The following ZFHX3 variants were observed in gnomAD, a reference collection of about 807,000 sequenced individuals.
The protein encoded by ZFHX3 is zinc finger homeobox protein 3.
Under a neutral mutation model 279.1 loss-of-function variants are expected in ZFHX3, and 42 were observed. The observed-to-expected ratio is 0.15, with a 90% confidence interval of 0.12 to 0.19. The LOEUF is 0.19. ZFHX3 is among the 10% of genes least tolerant of loss of function. The pLI is 1.00. For missense variants in ZFHX3, 4,981 were observed against 4,754.0 expected (o/e 1.05, Z -1.40); for synonymous variants, 2,293 against 1,957.8 (o/e 1.17, Z -4.52).
intron 5 of ZFHX3, among the ~76,000 whole-genome samples, chr16:72,814,417 G>A (rs745340987): frequency 1.2e-4 from 19 of 152,058 alleles, no homozygotes; most frequent in Non-Finnish European, 2.2e-4. Flanking sequence ...GAGACCACCC[G>A]ACTCATCTCA....
chr16:73,451,411 C>T (rs968687286), intron 3 of ZFHX3, among the ~76,000 whole-genome samples: 4 of 152,188 alleles, frequency 2.6e-5, no homozygotes, highest in Non-Finnish European at 5.9e-5. Flanking sequence ...AATTTTTTCT[C>T]CCTAATATTT....
At chr16:73,252,297 T>C (rs1016252606) in intron 5 of ZFHX3, among the ~76,000 whole-genome samples, 3 of 152,070 alleles carry the variant, frequency 2.0e-5, no homozygotes, top group African/African-American at 7.2e-5. Flanking sequence ...AAGGCCAATG[T>C]AGAGGGGCCT....
At position 73,792,538 on chromosome 16, in the gene ZFHX3, G is replaced by A. The variant is rs117817323; in HGVS notation, c.-1608+99113C>T. Among the ~76,000 whole-genome samples, 1,505 of 152,316 alleles carry A rather than the reference G, an allele frequency of 9.9e-3. 6 individuals are homozygous for A. Among genetic ancestry groups the A allele is most frequent in the Middle Eastern group, 0.027 (8 of 294 alleles). ...AATACACTTTCCCCATTGGGTTTAC[G>A]CTCGCATTTGTCCTAATAGGTTCCA... On this transcript the variant is annotated intron_variant, in intron 1 of 17. Coordinates refer to the ZFHX3 transcript ENST00000641206.
At chr16:73,682,992 AAAGAAAG>A (rs2053040950) in intron 1 of ZFHX3, among the ~76,000 whole-genome samples, 1 of 19,248 alleles carries the variant, frequency 5.2e-5, no homozygotes, top group Non-Finnish European at 8.6e-5. Flanking sequence ...GAAAGAAAGA[AAAGAAAG>A]AAAGAAAGAA....
At chr16:73,705,370 G>A (rs1255944188) in intron 1 of ZFHX3, among the ~76,000 whole-genome samples, 1 of 152,082 alleles carries the variant, frequency 6.6e-6, no homozygotes, top group Non-Finnish European at 1.5e-5. Context: ...TCTGGTCCAG[G>A]GTGAGAGGGT....
chr16:73,213,105 G>T (rs78888281), intron 5 of ZFHX3, among the ~76,000 whole-genome samples: 1 of 152,126 alleles, frequency 6.6e-6, no homozygotes, highest in Non-Finnish European at 1.5e-5. Flanking sequence ...TCCATATGGC[G>T]TAGGACATAG....
Position 72,811,701 on chromosome 16 carries a change from G to A in ZFHX3, c.3740C>T (p.Ser1247Leu), listed in dbSNP as rs772299356. The change falls in exon 7 of 10, where the codon TCG becomes TTG. Residue 1247 changes from serine to leucine, a missense_variant. By Grantham distance (145) the Ser-to-Leu change is moderately radical. Around this residue, in one of 7 missense-constraint regions of ZFHX3, gnomAD observed 1,751 missense variants for 1,770.0 expected, o/e 0.99. Coordinates refer to ENST00000268489, the MANE Select transcript of ZFHX3 (RefSeq NM_006885.4). ...RLRVHAMTQH[S>L]VQPMLRCPLC... ...GGGGCAGCGAAGCATGGGTTGCACC[G>A]AGTGCTGCGTCATGGCATGCACCCG... 8.7e-6 allele frequency: 14 copies of A among 1,613,944 alleles called. No individual in the cohort carries two copies. The highest frequency in any genetic ancestry group is 2.2e-5 in the South Asian group (2 of 91,074).
chr16:73,055,872 A>ACACACG (rs1320637770), intron 1 of ZFHX3, among the ~76,000 whole-genome samples: 2 of 151,558 alleles, frequency 1.3e-5, no homozygotes, highest in Admixed American at 1.3e-4. Context: ...ACACACACAC[A>ACACACG]CGCAGAGAAC....
At chr16:73,590,347 T>C (rs1050021573) in intron 2 of ZFHX3, among the ~76,000 whole-genome samples, 2 of 152,168 alleles carry the variant, frequency 1.3e-5, no homozygotes, top group Non-Finnish European at 2.9e-5. Flanking sequence ...GGAAAAATAA[T>C]TGATTCCCCA....
At chr16:73,632,643 G>T (rs1199340331) in intron 2 of ZFHX3, among the ~76,000 whole-genome samples, 1 of 146,654 alleles carries the variant, frequency 6.8e-6, no homozygotes, top group Non-Finnish European at 1.5e-5. Context: ...CTGAGATCGC[G>T]CCACTGCACT....
chr16:72,915,689 A>G lies in ZFHX3; in HGVS notation c.3217-25727T>C, dbSNP rs575846105. Among the ~76,000 whole-genome samples, 24 of 152,192 alleles carry G rather than the reference A, an allele frequency of 1.6e-4. No homozygotes were observed. In the South Asian group the frequency reaches 4.6e-3, roughly 29 times the overall value. On this transcript the variant is annotated intron_variant, in intron 3 of 9. Coordinates refer to ENST00000268489, the MANE Select transcript of ZFHX3 (RefSeq NM_006885.4). ...GAGGGAGGAGGATCACTTGAGCCCA[A>G]GAGGTCAAGGCTCCAGTGAGCCGTG... is the stretch of plus-strand genomic sequence containing the variant.
chr16:72,876,437 C>G (rs1042719474), intron 4 of ZFHX3, among the ~76,000 whole-genome samples: 1 of 152,140 alleles, frequency 6.6e-6, no homozygotes, highest in African/African-American at 2.4e-5. Context: ...TCAGCGCAGT[C>G]ACCGCCTTCC....
chr16:72,869,517 C>A (rs910670510), intron 4 of ZFHX3, among the ~76,000 whole-genome samples: 4 of 152,152 alleles, frequency 2.6e-5, no homozygotes, highest in African/African-American at 9.7e-5. Context: ...GTAATAGTTT[C>A]TTTGTCCACT....
chr16:72,864,964 C>G (rs1360874676), intron 4 of ZFHX3, among the ~76,000 whole-genome samples: 1 of 152,172 alleles, frequency 6.6e-6, no homozygotes, highest in Non-Finnish European at 1.5e-5. Context: ...CAGTGCATTT[C>G]CAGCCAGGAT....
rs752977805 is a variant in ZFHX3 at position 73,628,245 on chromosome 16, G to C, written c.-1547+51935C>G. ...ACTGTAATCTTTTAAAAATTACTAG[G>C]TGACCCTAATTTTCCCCTCAAATGT... On this transcript the variant is annotated intron_variant, in intron 2 of 17. Transcript: ENST00000641206. 2.0e-5 allele frequency among the ~76,000 whole-genome samples: 3 copies of C among 152,100 alleles called. No homozygotes were observed. In the East Asian group the frequency reaches 5.8e-4, roughly 29 times the overall value.
chr16:73,163,118 T>C (rs779896627), intron 5 of ZFHX3, among the ~76,000 whole-genome samples: 6 of 152,168 alleles, frequency 3.9e-5, no homozygotes, highest in South Asian at 2.1e-4. Flanking sequence ...GGACAACACA[T>C]GTATTTTTTC....
At chr16:72,933,473 T>G (rs1220119443) in intron 3 of ZFHX3, among the ~76,000 whole-genome samples, 1 of 151,140 alleles carries the variant, frequency 6.6e-6, no homozygotes, top group Non-Finnish European at 1.5e-5. Flanking sequence ...ACCAAGGAGA[T>G]GAGTTGAAAA....
At chr16:73,704,490 A>G (rs999748195) in intron 1 of ZFHX3, among the ~76,000 whole-genome samples, 2 of 152,224 alleles carry the variant, frequency 1.3e-5, no homozygotes, top group African/African-American at 4.8e-5. Flanking sequence ...CTCGCTGGCT[A>G]ATTTCCAGCA....
intron 1 of ZFHX3, among the ~76,000 whole-genome samples, chr16:73,770,047 T>C (rs2054000295): frequency 6.6e-6 from 1 of 152,214 alleles, no homozygotes; most frequent in Admixed American, 6.5e-5. Flanking sequence ...CCCTAATCCC[T>C]GAAATCTATG....
Sources: allele counts gnomAD v4.1 joint callset (sites outside exome capture counted in the v4.1 genomes callset), GRCh38; gene constraint gnomAD v4.1.1; regional missense constraint gnomAD v4.1.1; transcripts MANE v1.5; gene names NCBI Gene and HGNC (gene_info 2026-07-23, HGNC 2026-07-21).